Variants in DMD observed in about 807,000 individuals in gnomAD.
DMD encodes mutant dystrophin.
A neutral mutation model predicts 330.1 loss-of-function variants in DMD; 63 were observed. That is an observed-to-expected ratio of 0.19 (90% confidence interval 0.16 to 0.24). The LOEUF (loss-of-function observed/expected upper bound fraction) is 0.24. Among genes scored for constraint, DMD ranks in the 10% least tolerant of loss-of-function variants. The pLI is 1.00. For synonymous variants in DMD, 1,223 were observed against 959.8 expected (o/e 1.27, Z -5.07); for missense variants, 3,344 against 2,684.1 (o/e 1.25, Z -5.43).
intron 44 of DMD, among the ~76,000 whole-genome samples, chrX:32,146,314 A>G (rs1049216947): frequency 1.8e-5 from 2 of 111,775 alleles, no homozygotes; most frequent in Admixed American, 1.9e-4. Flanking sequence ...CGATAGATAG[A>G]TAAGTAAAGG....
At chrX:31,953,897 A>G (rs920715523) in intron 45 of DMD, among the ~76,000 whole-genome samples, 2 of 111,785 alleles carry the variant, frequency 1.8e-5, no homozygotes, top group Non-Finnish European at 3.8e-5. Context: ...GTGGGAAGAT[A>G]GGTGATTATT....
At chrX:31,348,135 T>C (rs1425790370) in intron 61 of DMD, 1 of 162,836 alleles carries the variant, frequency 6.1e-6, no homozygotes, top group Non-Finnish European at 1.2e-5. Flanking sequence ...GATATCATAA[T>C]TATTAGCTTT....
intron 44 of DMD, among the ~76,000 whole-genome samples, chrX:31,994,114 A>C (rs996243611): frequency 9.0e-6 from 1 of 111,713 alleles, no homozygotes; most frequent in Admixed American, 9.5e-5. Context: ...GTATACACCC[A>C]AAACGCCAAC....
intron 12 of DMD, among the ~76,000 whole-genome samples, chrX:32,601,355 C>T (rs779221971): frequency 1.3e-4 from 14 of 111,380 alleles, no homozygotes; most frequent in Middle Eastern, 4.7e-3. Flanking sequence ...TTTATTAGTT[C>T]TTATATCAGA....
Position 32,558,938 on chromosome X carries a change from C to CTTTTTTTTTTTTTTTTTTTTTT in DMD, c.1992+6742_1992+6763dup, listed in dbSNP as rs60739281. The stretch of plus-strand genomic sequence containing the variant: ...TATTTGAGATGTAACTTCAAATTTT[C>CTTTTTTTTTTTTTTTTTTTTTT]TTTTTTTTTTTTTTTTTTTTTTTTT... On this transcript the variant is annotated intron_variant, in intron 16 of 78. Coordinates refer to ENST00000357033, the MANE Select transcript of DMD (RefSeq NM_004006.3). 5.9e-5 allele frequency among the ~76,000 whole-genome samples: 3 copies of CTTTTTTTTTTTTTTTTTTTTTT among 50,828 alleles called. 1 individual carries two copies. The highest frequency in any genetic ancestry group is 3.1e-4 in the African/African-American group (3 of 9,734). 44.1% of individuals were successfully genotyped at this position (50,828 alleles called of 115,157 possible). A position where few individuals can be genotyped will look rare whatever the true frequency, so the allele number is the denominator to read the frequency against.
chrX:32,595,965 C>A, intron 12 of DMD, 89 bp from the exon 13 acceptor site: 1 of 852,511 alleles, frequency 1.2e-6, no homozygotes, highest in Non-Finnish European at 1.7e-6. Flanking sequence ...AAATTTATTT[C>A]TGCTACATCT....
rs1455854995 is a variant in DMD, at chrX:32,589,434, A to T, written c.1602+6323T>A. On this transcript the variant is annotated intron_variant, in intron 13 of 78. Coordinates refer to ENST00000357033, the MANE Select transcript of DMD (RefSeq NM_004006.3). Reference sequence around the variant, plus strand: ...ATCTCATATGTGCTTATGTTTATGTATATGTATGTATATACATATATATAC... The same window carrying T: ...ATCTCATATGTGCTTATGTTTATGTTTATGTATGTATATACATATATATAC... Among the ~76,000 whole-genome samples, 3 of 110,597 alleles carry T rather than the reference A, an allele frequency of 2.7e-5. No individual in the cohort carries two copies. The Admixed American group carries it at 2.9e-4, about 11-fold the overall frequency.
At chrX:32,081,555 A>T (rs1603624353) in intron 44 of DMD, among the ~76,000 whole-genome samples, 1 of 111,809 alleles carries the variant, frequency 8.9e-6, no homozygotes, top group African/African-American at 3.3e-5. Context: ...CTGCATATTA[A>T]ACTTTATTTT....
intron 50 of DMD, among the ~76,000 whole-genome samples, chrX:31,792,602 G>T (rs2091624912): frequency 8.9e-6 from 1 of 112,158 alleles, no homozygotes; most frequent in Non-Finnish European, 1.9e-5. Context: ...TAGTAACGAA[G>T]CAGGATATTT....
At chrX:31,499,682 G>A (rs969315379) in intron 56 of DMD, among the ~76,000 whole-genome samples, 3 of 110,533 alleles carry the variant, frequency 2.7e-5, no homozygotes, top group East Asian at 5.7e-4. Flanking sequence ...TAGTAGAGAT[G>A]GGGTTTCGCC....
rs183745595 is a variant in DMD, at chrX:31,839,835, T to C, written c.7099-3016A>G. Reference sequence around the variant, plus strand: ...AACCAACATCTGAATGTGGGACCTCTAATCAGGTACTTTATAACTATTGCA... The same window carrying C: ...AACCAACATCTGAATGTGGGACCTCCAATCAGGTACTTTATAACTATTGCA... On this transcript the variant is annotated intron_variant, in intron 48 of 78. Coordinates refer to ENST00000357033, the MANE Select transcript of DMD (RefSeq NM_004006.3). 6.7e-4 allele frequency among the ~76,000 whole-genome samples: 75 copies of C among 111,951 alleles called. 1 individual carries two copies. In the East Asian group the frequency reaches 0.018, roughly 27 times the overall value.
chrX:31,759,958 C>T (rs1227950795), intron 51 of DMD, among the ~76,000 whole-genome samples: 1 of 111,744 alleles, frequency 8.9e-6, no homozygotes, highest in African/African-American at 3.3e-5. Flanking sequence ...ATAATGTTCT[C>T]TCAGCTGTGC....
At chrX:31,586,620 A>T in intron 55 of DMD, among the ~76,000 whole-genome samples, 1 of 112,642 alleles carries the variant, frequency 8.9e-6, no homozygotes, top group East Asian at 2.8e-4. Context: ...AGCTTTGGGA[A>T]ATGTTCTGAA....
intron 41 of DMD, among the ~76,000 whole-genome samples, chrX:32,341,177 T>C (rs1379268276): frequency 8.9e-6 from 1 of 111,774 alleles, no homozygotes; most frequent in African/African-American, 3.2e-5. Context: ...TAGGGCAAAA[T>C]GGTTGAGTAT....
intron 55 of DMD, among the ~76,000 whole-genome samples, chrX:31,552,684 A>G (rs2074558234): frequency 1.8e-5 from 2 of 112,019 alleles, no homozygotes; most frequent in African/African-American, 6.5e-5. Flanking sequence ...GGTGAAGATC[A>G]GAGCACATAA....
intron 7 of DMD, among the ~76,000 whole-genome samples, chrX:32,767,516 A>G (rs2073127961): frequency 9.0e-6 from 1 of 111,441 alleles, no homozygotes; most frequent in African/African-American, 3.3e-5. Flanking sequence ...TTTATATCCA[A>G]TTTAGAGTGT....
chrX:32,449,941 T>A (rs1378037133), intron 26 of DMD, among the ~76,000 whole-genome samples: 1 of 111,160 alleles, frequency 9.0e-6, no homozygotes, highest in Admixed American at 9.5e-5. Context: ...CAGCAAACAC[T>A]GTTAATGACT....
Position 32,473,885 on chromosome X carries a change from A to G in DMD, c.2804-1576T>C, listed in dbSNP as rs766593560. Among the ~76,000 whole-genome samples, 340 of 110,187 alleles carry G rather than the reference A, an allele frequency of 3.1e-3. 3 individuals carry two copies. The highest frequency in any genetic ancestry group is 0.01 in the African/African-American group (309 of 30,223). On this transcript the variant is annotated intron_variant, in intron 21 of 78. Coordinates refer to ENST00000357033, the MANE Select transcript of DMD (RefSeq NM_004006.3). The stretch of plus-strand genomic sequence containing the variant: ...GGGGGTAAAGGTGGTATTTGGTTAC[A>G]TGAGTAAGTTCTTTAGTGGTGATTT...
intron 1 of DMD, among the ~76,000 whole-genome samples, chrX:33,228,710 G>C (rs1407089132): frequency 9.5e-6 from 1 of 105,610 alleles, no homozygotes; most frequent in African/African-American, 3.6e-5. Context: ...TTTTTCTTCA[G>C]CTTTTTTTTT....
Sources: gnomAD v4.1 joint callset for allele counts (sites outside exome capture counted in the v4.1 genomes callset) on GRCh38, gnomAD v4.1.1 for gene constraint, MANE v1.5 for transcripts, NCBI Gene and HGNC (gene_info 2026-07-23, HGNC 2026-07-21) for gene names.